Variants in ADRA1B observed in about 807,000 individuals in gnomAD.
ADRA1B encodes adrenoceptor alpha 1B.
ADRA1B carries 17 observed loss-of-function variants against 17.9 expected under a neutral mutation model. The observed-to-expected ratio is 0.95, with a 90% CI of 0.65 to 1.42. The LOEUF (loss-of-function observed/expected upper bound fraction) is 1.42. Ranked by LOEUF, ADRA1B falls within the 40% of genes most tolerant of loss-of-function variation. The probability of loss-of-function intolerance (pLI) is 0.00; values close to 1 mark genes in which losing one functional copy is unlikely to be tolerated. For missense variants in ADRA1B, 681 were observed against 722.1 expected (o/e 0.94, Z 0.65); for synonymous variants, 366 against 327.6 (o/e 1.12, Z -1.27).
intron 1 of ADRA1B, among the ~76,000 whole-genome samples, chr5:159,951,800 T>C (rs17057303): frequency 0.053 from 8,011 of 152,224 alleles, 385 homozygotes; most frequent in East Asian, 0.13. Context: ...TTGTCTGGCT[T>C]AGTTCTATCT....
At chr5:159,947,050 A>G (rs1291579797) in intron 1 of ADRA1B, among the ~76,000 whole-genome samples, 1 of 152,162 alleles carries the variant, frequency 6.6e-6, no homozygotes, top group Admixed American at 6.5e-5. Context: ...AAATAAGAGA[A>G]CCATAGTTAG....
rs961186003 is a variant in ADRA1B at position 159,948,159 on chromosome 5, T to C, written c.950-23720T>C. 9 of 985,456 alleles carry C rather than the reference T, an allele frequency of 9.1e-6. No individual in the cohort carries two copies. In the African/African-American group the frequency reaches 1.6e-4, roughly 17 times the overall value. The allele number at this position is 985,456 out of a possible 1,614,324, so 61.0% of individuals were successfully genotyped here. On this transcript the variant is annotated intron_variant, in intron 1 of 1. Transcript: ENST00000306675. ...TCCCTGGAGTTAATCATAACAGGAC[T>C]TTGACCCAGGGCTGGAGGCATGTTC...
chr5:159,913,422 A>G (rs1754246952), upstream of ADRA1B, among the ~76,000 whole-genome samples: 1 of 152,192 alleles, frequency 6.6e-6, no homozygotes, highest in Non-Finnish European at 1.5e-5. Context: ...GTCCTGCTAC[A>G]CGGCTGTTAT....
chr5:159,904,667 TA>T (rs1043189248), intron 1 of ADRA1B, among the ~76,000 whole-genome samples: 1 of 152,220 alleles, frequency 6.6e-6, no homozygotes, highest in African/African-American at 2.4e-5. Context: ...ACACATTGTC[TA>T]ATTTAAATTC....
intron 1 of ADRA1B, chr5:159,869,342 A>G (rs1392433735): frequency 1.3e-5 from 2 of 152,352 alleles, no homozygotes; most frequent in Non-Finnish European, 2.9e-5. Flanking sequence ...ATAGGCTGTC[A>G]TCTAAGTGAA....
chr5:159,908,155 G>C (rs1221847701), intron 1 of ADRA1B, among the ~76,000 whole-genome samples: 1 of 152,128 alleles, frequency 6.6e-6, no homozygotes, highest in Admixed American at 6.5e-5. Context: ...CCTCACCATG[G>C]AGACAGGCAC....
intron 1 of ADRA1B, among the ~76,000 whole-genome samples, chr5:159,932,310 C>G (rs958903573): frequency 6.6e-6 from 1 of 152,082 alleles, no homozygotes; most frequent in Non-Finnish European, 1.5e-5. Context: ...GTGTGCACCA[C>G]CACACCCAGC....
intron 1 of ADRA1B, among the ~76,000 whole-genome samples, chr5:159,881,304 T>TCTGTCTCTCTCTCC (rs1753860296): frequency 1.2e-5 from 1 of 83,888 alleles, no homozygotes; most frequent in Non-Finnish European, 2.2e-5. Flanking sequence ...GAAAGTTCTC[T>TCTGTCTCTCTCTCC]CTCTCTCTCT....
chr5:159,937,917 G>A (rs1323674840), intron 1 of ADRA1B, among the ~76,000 whole-genome samples: 1 of 152,158 alleles, frequency 6.6e-6, no homozygotes, highest in Admixed American at 6.5e-5. Flanking sequence ...CCTGGCCTCA[G>A]GCAATCCTCT....
the ADRA1B span, among the ~76,000 whole-genome samples, chr5:159,984,703 AC>A: frequency 1.3e-5 from 2 of 151,264 alleles, no homozygotes; most frequent in Non-Finnish European, 2.9e-5. Context: ...TTTGAGGCCA[AC>A]CTGGCCAACA....
At chr5:159,867,273 A>G (rs1278715679) in intron 1 of ADRA1B, among the ~76,000 whole-genome samples, 1 of 152,132 alleles carries the variant, frequency 6.6e-6, no homozygotes, top group African/African-American at 2.4e-5. Context: ...GGTGTTGAGA[A>G]TCTTTTTGTT....
intron 1 of ADRA1B, among the ~76,000 whole-genome samples, chr5:159,886,105 C>A (rs1408998273): frequency 6.6e-6 from 1 of 152,216 alleles, no homozygotes; most frequent in East Asian, 1.9e-4. Context: ...GGATTAAAAA[C>A]TGACATCCAG....
In ADRA1B at chr5:159,917,454, G is replaced by A. The variant is rs3729604; in HGVS notation, c.549G>A (p.Gly183=). 0.18 allele frequency: 290,503 copies of A among 1,613,950 alleles called. 27,706 individuals carry two copies. The highest frequency in any genetic ancestry group is 0.39 in the East Asian group (17,671 of 44,842). ...TCATCTCCATCGGGCCTCTCCTTGGGTGGAAGGAGCCGGCACCCAACGATG... is the reference window on the plus strand; with the variant it reads ...TCATCTCCATCGGGCCTCTCCTTGGATGGAAGGAGCCGGCACCCAACGATG... ...STVISIGPLL[G]WKEPAPNDDK... Residue 183 remains glycine, a synonymous_variant, in exon 1 of 2, where the codon GGG becomes GGA. Coordinates refer to ENST00000306675, the MANE Select transcript of ADRA1B (RefSeq NM_000679.4).
chr5:159,923,010 C>A (rs1359039905), intron 1 of ADRA1B, among the ~76,000 whole-genome samples: 1 of 152,182 alleles, frequency 6.6e-6, no homozygotes, highest in Non-Finnish European at 1.5e-5. Flanking sequence ...TTAAGTGGAA[C>A]CCTCAACGGT....
intron 1 of ADRA1B, among the ~76,000 whole-genome samples, chr5:159,927,661 T>C (rs984172907): frequency 1.3e-5 from 2 of 152,196 alleles, no homozygotes; most frequent in Admixed American, 6.5e-5. Context: ...CAAAGCATAA[T>C]TATACTTATT....
At chr5:159,913,780 G>T (rs934293311), upstream of ADRA1B, among the ~76,000 whole-genome samples, 1 of 152,244 alleles carries the variant, frequency 6.6e-6, no homozygotes, top group East Asian at 1.9e-4. Flanking sequence ...ATGGTGTGTT[G>T]CTGGCTGTTC....
the ADRA1B span, among the ~76,000 whole-genome samples, chr5:159,986,418 A>C: frequency 1.3e-5 from 2 of 152,166 alleles, no homozygotes; most frequent in South Asian, 4.1e-4. Context: ...GATTATTCAC[A>C]CTCACGTGAC....
At chr5:159,955,500 A>G (rs1755535945) in intron 1 of ADRA1B, among the ~76,000 whole-genome samples, 1 of 152,260 alleles carries the variant, frequency 6.6e-6, no homozygotes, top group Admixed American at 6.5e-5. Context: ...TAAGTGGCCC[A>G]ATCTCAATGT....
chr5:159,966,230 A>G (rs1755774061), intron 1 of ADRA1B, among the ~76,000 whole-genome samples: 1 of 152,240 alleles, frequency 6.6e-6, no homozygotes. Flanking sequence ...CAGCCCAATC[A>G]GGGATTTACA....
Sources: gnomAD v4.1 joint callset for allele counts (sites outside exome capture counted in the v4.1 genomes callset) on GRCh38, gnomAD v4.1.1 for gene constraint, MANE v1.5 for transcripts, NCBI Gene and HGNC (gene_info 2026-07-23, HGNC 2026-07-21) for gene names.